Variants in KIF13B observed in about 807,000 individuals in gnomAD.
The protein encoded by KIF13B is kinesin family member 13B.
In KIF13B, 127 loss-of-function variants were observed where a neutral mutation model predicts 222.0. The ratio of observed to expected loss-of-function variants is 0.57; its 90% CI spans 0.50 to 0.66. The LOEUF is 0.66. Ranked by LOEUF, KIF13B falls within the 30% of genes least tolerant of loss-of-function variation. The pLI, the probability that KIF13B is intolerant of heterozygous loss-of-function variation, is 0.00. For synonymous variants in KIF13B, 976 were observed against 919.0 expected, an observed-to-expected ratio of 1.06 and a Z score of -1.12; for missense variants, 2,173 against 2,379.0, an observed-to-expected ratio of 0.91 and a Z score of 1.80.
At chr8:29,105,306 G>T (rs1329703304) in intron 35 of KIF13B, among the ~76,000 whole-genome samples, 1 of 152,110 alleles carries the variant, frequency 6.6e-6, no homozygotes, top group African/African-American at 2.4e-5. Flanking sequence ...TGCATGTACT[G>T]TCAAGAACAC....
At chr8:29,106,349 C>T (rs1180155667) in intron 35 of KIF13B, among the ~76,000 whole-genome samples, 3 of 152,104 alleles carry the variant, frequency 2.0e-5, no homozygotes, top group African/African-American at 7.2e-5. Flanking sequence ...AAAGAGTCTA[C>T]AGCCAGCAGC....
intron 14 of KIF13B, among the ~76,000 whole-genome samples, chr8:29,150,611 T>G (rs898682841): frequency 2.0e-5 from 3 of 152,230 alleles, no homozygotes; most frequent in African/African-American, 7.2e-5. Context: ...TGCTTTATTG[T>G]GCTTTGCAGA....
At chr8:29,172,855 A>C (rs1812306882) in intron 10 of KIF13B, among the ~76,000 whole-genome samples, 1 of 151,772 alleles carries the variant, frequency 6.6e-6, no homozygotes, top group African/African-American at 2.4e-5. Flanking sequence ...CCACTCAGTG[A>C]TTACCCGTGC....
At chr8:29,230,287 G>A (rs1419328458) in intron 2 of KIF13B, among the ~76,000 whole-genome samples, 1 of 152,156 alleles carries the variant, frequency 6.6e-6, no homozygotes, top group Non-Finnish European at 1.5e-5. Flanking sequence ...CCCAGACACA[G>A]TGGTAATCAT....
At chr8:29,165,819 G>A (rs771751670) in intron 11 of KIF13B, 47 bp from the exon 12 acceptor site, 1 of 1,374,630 alleles carries the variant, frequency 7.3e-7, no homozygotes, top group South Asian at 1.2e-5. Context: ...AGATGCCCTG[G>A]AAAAAGAAGT....
intron 2 of KIF13B, among the ~76,000 whole-genome samples, chr8:29,203,210 C>T (rs1242566784): frequency 3.3e-5 from 5 of 152,192 alleles, no homozygotes; most frequent in Non-Finnish European, 5.9e-5. Context: ...TTCAGGTGAT[C>T]TGGCCCCTTT....
intron 5 of KIF13B, 103 bp downstream of exon 5, chr8:29,188,412 A>G: frequency 1.5e-6 from 1 of 656,362 alleles, no homozygotes; most frequent in Non-Finnish European, 2.5e-6. Flanking sequence ...CTGAAAGCAA[A>G]AACAACAAGG....
chr8:29,148,073 G>A (rs1006790042), intron 16 of KIF13B, among the ~76,000 whole-genome samples: 2 of 152,172 alleles, frequency 1.3e-5, no homozygotes, highest in Non-Finnish European at 2.9e-5. Flanking sequence ...TGGTGTGCAC[G>A]CCTGTCATCC....
chr8:29,248,193 G>A (rs1373334931), intron 1 of KIF13B, among the ~76,000 whole-genome samples: 1 of 152,080 alleles, frequency 6.6e-6, no homozygotes, highest in African/African-American at 2.4e-5. Context: ...TCCACTCCTA[G>A]ATACATACCC....
intron 2 of KIF13B, among the ~76,000 whole-genome samples, chr8:29,235,210 C>T (rs958474627): frequency 6.6e-6 from 1 of 152,122 alleles, no homozygotes; most frequent in Non-Finnish European, 1.5e-5. Context: ...AGCATTGACA[C>T]AAAAGATTGT....
At chr8:29,172,401 G>A (rs1281559616) in intron 10 of KIF13B, among the ~76,000 whole-genome samples, 1 of 151,966 alleles carries the variant, frequency 6.6e-6, no homozygotes, top group African/African-American at 2.4e-5. Context: ...CATTTTTAAG[G>A]AAAAAGATAA....
intron 10 of KIF13B, among the ~76,000 whole-genome samples, 170 bp from the exon 11 acceptor site, chr8:29,167,755 T>C (rs1812069838): frequency 6.6e-6 from 1 of 152,244 alleles, no homozygotes; most frequent in South Asian, 2.1e-4. Flanking sequence ...CTGTTTCTTC[T>C]CTGCCAAGCC....
In KIF13B at chr8:29,092,883, C is replaced by A; in HGVS notation, c.4325-5G>T. 1 of 1,602,120 alleles carries A rather than the reference C, an allele frequency of 6.2e-7. No individual in the cohort carries two copies. Among genetic ancestry groups the A allele is most frequent in the Non-Finnish European group, 8.5e-7 (1 of 1,174,446 alleles). On this transcript the variant is annotated splice_polypyrimidine_tract_variant and splice_region_variant and intron_variant, in intron 36 of 39. Coordinates refer to ENST00000524189, the MANE Select transcript of KIF13B (RefSeq NM_015254.4). ...ATGCTGCAAGGTTACTGAGTCCTGC[C>A]CATATTACAGGGGAAAAAGATAAAA... is the stretch of plus-strand genomic sequence containing the variant.
At chr8:29,137,485 T>C (rs1171201098) in intron 21 of KIF13B, among the ~76,000 whole-genome samples, 7 of 152,370 alleles carry the variant, frequency 4.6e-5, no homozygotes, top group Non-Finnish European at 7.3e-5. Flanking sequence ...ATACAAACTT[T>C]ACTTCATATC....
intron 2 of KIF13B, among the ~76,000 whole-genome samples, chr8:29,240,917 C>G (rs990079858): frequency 2.6e-5 from 4 of 152,140 alleles, no homozygotes; most frequent in African/African-American, 9.7e-5. Context: ...TCAAAATGTT[C>G]AGAATACAGT....
intron 13 of KIF13B, 21 bp from the exon 14 acceptor site, chr8:29,155,877 C>G: frequency 6.6e-7 from 1 of 1,512,094 alleles, no homozygotes; most frequent in Non-Finnish European, 9.0e-7. Flanking sequence ...ACCAAATTCA[C>G]TGATTAATAC....
At chr8:29,253,560 CAAAT>C (rs1479519179) in intron 1 of KIF13B, among the ~76,000 whole-genome samples, 1 of 151,840 alleles carries the variant, frequency 6.6e-6, no homozygotes, top group East Asian at 1.9e-4. Flanking sequence ...CATCTCTAAA[CAAAT>C]AAACAGTTTA....
Position 29,118,898 on chromosome 8 carries a change from T to A in KIF13B, c.3630A>T (p.Glu1210Asp), listed in dbSNP as rs1007784849. The change falls in exon 30 of 40, where the codon GAA (glutamate) becomes GAT (aspartate). Residue 1210 changes from glutamate (E) to aspartate (D), a missense_variant. Physicochemically the swap from Glu to Asp is conservative, Grantham distance 45 (BLOSUM62 2). Around this residue, in one of 2 missense-constraint regions of KIF13B, gnomAD observed 1,480 missense variants for 1,722.8 expected, o/e 0.86. Transcript: ENST00000524189. ...LTGEEEEEFF[E>D]LQIVKQHDGE... ...CATCATGCTGCTTCACAATCTGCAA[T>A]TCAAAGAACTCCTCTTCTTCTTCCC... 6.2e-7 allele frequency: 1 copy of A among 1,613,824 alleles called. No homozygotes were observed. Among genetic ancestry groups the A allele is most frequent in the Admixed American group, 1.7e-5 (1 of 60,000 alleles).
At chr8:29,237,803 CT>C (rs1563815666) in intron 2 of KIF13B, among the ~76,000 whole-genome samples, 1 of 152,114 alleles carries the variant, frequency 6.6e-6, no homozygotes, top group African/African-American at 2.4e-5. Flanking sequence ...ATTTTCTTAT[CT>C]TTTTAGCTTT....
Sources: allele counts gnomAD v4.1 joint callset (sites outside exome capture counted in the v4.1 genomes callset), GRCh38; gene constraint gnomAD v4.1.1; regional missense constraint gnomAD v4.1.1; transcripts MANE v1.5; gene names NCBI Gene and HGNC (gene_info 2026-07-23, HGNC 2026-07-21).